Variants in XRCC4 observed in about 807,000 individuals in gnomAD.
The protein encoded by XRCC4 is DNA repair protein XRCC4.
Under a neutral mutation model 39.1 loss-of-function variants are expected in XRCC4, and 28 were observed. The ratio of observed to expected loss-of-function variants is 0.72; its 90% confidence interval spans 0.53 to 0.98. The LOEUF is 0.98. Ranked by LOEUF, XRCC4 falls within the 50% of genes least tolerant of loss-of-function variation. The pLI is 0.00. For missense variants in XRCC4, 350 were observed against 376.4 expected (o/e 0.93, Z 0.58); for synonymous variants, 123 against 126.4 (o/e 0.97, Z 0.18).
intron 7 of XRCC4, among the ~76,000 whole-genome samples, chr5:83,341,923 C>A (rs1756771803): frequency 6.6e-6 from 1 of 152,150 alleles, no homozygotes; most frequent in Non-Finnish European, 1.5e-5. Context: ...AGAGTCCCCC[C>A]AACTGGAGAG....
chr5:83,237,721 G>A (rs1461199797), intron 6 of XRCC4, among the ~76,000 whole-genome samples: 1 of 151,880 alleles, frequency 6.6e-6, no homozygotes, highest in Non-Finnish European at 1.5e-5. Context: ...ATAAAAGGGT[G>A]GAATTGGAAT....
In XRCC4 at chr5:83,187,004, C is replaced by T. The variant is rs1382825027; in HGVS notation, c.316-8766C>T. On this transcript the variant is annotated intron_variant, in intron 3 of 7. Transcript: ENST00000396027. ...TGTCGCCCAGGCTGGAGTGCAGTGG[C>T]GCGACCTCGGCTCACTGCAAGCTCC... Among the ~76,000 whole-genome samples the T allele has an allele frequency of 2.9e-5, 3 of 103,212 alleles. 1 individual carries two copies. Among genetic ancestry groups the T allele is most frequent in the Admixed American group, 9.1e-5 (1 of 10,996 alleles). 67.7% of individuals were successfully genotyped at this position (103,212 alleles called of 152,430 possible). A position where few individuals can be genotyped will look rare whatever the true frequency, so the allele number is the denominator to read the frequency against.
chr5:83,269,615 TAGAC>T (rs1317651916), intron 7 of XRCC4, among the ~76,000 whole-genome samples: 3 of 151,756 alleles, frequency 2.0e-5, no homozygotes, highest in East Asian at 1.9e-4. Context: ...TCAGTAAAAA[TAGAC>T]AGTTACAAAA....
chr5:83,326,832 C>G (rs1017018351), intron 7 of XRCC4, among the ~76,000 whole-genome samples: 1 of 152,146 alleles, frequency 6.6e-6, no homozygotes, highest in South Asian at 2.1e-4. Context: ...CTGCCTTCCT[C>G]AATTGCTTGT....
chr5:83,289,872 G>A (rs1278897752), intron 7 of XRCC4, among the ~76,000 whole-genome samples: 1 of 151,700 alleles, frequency 6.6e-6, no homozygotes, highest in Non-Finnish European at 1.5e-5. Flanking sequence ...CTCTCCCCCT[G>A]GCAGAATCAG....
At chr5:83,215,801 C>T (rs181250090) in intron 6 of XRCC4, among the ~76,000 whole-genome samples, 61 of 152,186 alleles carry the variant, frequency 4.0e-4, no homozygotes, top group African/African-American at 1.2e-3. Flanking sequence ...GTGTTTACCT[C>T]ATATGAAACA....
intron 4 of XRCC4, among the ~76,000 whole-genome samples, chr5:83,196,265 TAATG>T (rs994911526): frequency 1.2e-4 from 19 of 152,106 alleles, no homozygotes; most frequent in Non-Finnish European, 2.6e-4. Flanking sequence ...ATAGGATTAA[TAATG>T]AATGAAAAAG....
At chr5:83,264,939 T>C (rs1279541369) in intron 7 of XRCC4, among the ~76,000 whole-genome samples, 1 of 152,158 alleles carries the variant, frequency 6.6e-6, no homozygotes, top group African/African-American at 2.4e-5. Flanking sequence ...TAACAATTTG[T>C]ACCCTCACAA....
intron 7 of XRCC4, among the ~76,000 whole-genome samples, chr5:83,260,409 A>G (rs528931807): frequency 6.6e-6 from 1 of 152,258 alleles, no homozygotes; most frequent in African/African-American, 2.4e-5. Context: ...CCCAGAAAGT[A>G]GAAAATAGAC....
chr5:83,291,820 T>C (rs1445790108), intron 7 of XRCC4, among the ~76,000 whole-genome samples: 2 of 151,900 alleles, frequency 1.3e-5, no homozygotes, highest in African/African-American at 4.8e-5. Flanking sequence ...ACAACTGGAT[T>C]CTGAGGCACT....
chr5:83,356,386 G>A (rs2112245688), downstream of XRCC4, among the ~76,000 whole-genome samples: 1 of 151,988 alleles, frequency 6.6e-6, no homozygotes, highest in East Asian at 1.9e-4. Context: ...TTATCTTTTG[G>A]CTATTAACTC....
chr5:83,227,968 C>T (rs1364340268), intron 6 of XRCC4, among the ~76,000 whole-genome samples: 1 of 151,964 alleles, frequency 6.6e-6, no homozygotes, highest in Non-Finnish European at 1.5e-5. Flanking sequence ...GGTGTCCTCT[C>T]TGAGAATGAA....
intron 3 of XRCC4, among the ~76,000 whole-genome samples, chr5:83,162,758 A>G (rs937170636): frequency 5.3e-5 from 8 of 152,192 alleles, no homozygotes; most frequent in Non-Finnish European, 7.3e-5. Context: ...CTAACAATGA[A>G]TACGATGGGA....
chr5:83,131,565 T>C (rs1315345001), intron 3 of XRCC4, among the ~76,000 whole-genome samples: 1 of 152,220 alleles, frequency 6.6e-6, no homozygotes, highest in Non-Finnish European at 1.5e-5. Context: ...GGTGCTCCTG[T>C]ATTGGGTGAA....
chr5:83,346,174 C>T (rs1458144678), intron 7 of XRCC4, among the ~76,000 whole-genome samples: 11 of 152,146 alleles, frequency 7.2e-5, no homozygotes, highest in Non-Finnish European at 1.6e-4. Context: ...CTTTAATTCA[C>T]ATTAATCATT....
At chr5:83,249,506 G>A (rs191698388) in intron 6 of XRCC4, among the ~76,000 whole-genome samples, 51 of 152,238 alleles carry the variant, frequency 3.4e-4, no homozygotes, top group Non-Finnish European at 6.2e-4. Context: ...CAACCTTGTT[G>A]TAAAGGAGTT....
intron 3 of XRCC4, among the ~76,000 whole-genome samples, chr5:83,178,465 C>T (rs895352838): frequency 6.6e-6 from 1 of 152,010 alleles, no homozygotes; most frequent in African/African-American, 2.4e-5. Context: ...AACACTACTA[C>T]AAAAAGGAGA....
At chr5:83,371,711 A>T in the XRCC4 span, among the ~76,000 whole-genome samples, 2 of 152,182 alleles carry the variant, frequency 1.3e-5, no homozygotes, top group Admixed American at 1.3e-4. Flanking sequence ...CAAGTTGCTT[A>T]AAAAGTTGTG....
chr5:83,278,776 A>G (rs563039348), intron 7 of XRCC4, among the ~76,000 whole-genome samples: 5 of 152,076 alleles, frequency 3.3e-5, no homozygotes, highest in South Asian at 2.1e-4. Context: ...ACCTGAGCTC[A>G]GGAGTTTGAG....
Sources: gnomAD v4.1 joint callset for allele counts (sites outside exome capture counted in the v4.1 genomes callset) on GRCh38, gnomAD v4.1.1 for gene constraint, MANE v1.5 for transcripts, NCBI Gene and HGNC (gene_info 2026-07-23, HGNC 2026-07-21) for gene names.